Variants in JAKMIP2 observed in about 807,000 individuals in gnomAD.
The protein encoded by JAKMIP2 is janus kinase and microtubule-interacting protein 2.
JAKMIP2 carries 25 observed loss-of-function variants against 115.0 expected under a neutral mutation model. The observed-to-expected ratio is 0.22, with a 90% CI of 0.16 to 0.30. JAKMIP2 has a LOEUF of 0.30. Among genes scored for constraint, JAKMIP2 ranks in the 10% least tolerant of loss-of-function variants. JAKMIP2 has a pLI of 1.00. For synonymous variants in JAKMIP2, 334 were observed against 343.6 expected, an observed-to-expected ratio of 0.97 and a Z score of 0.31; for missense variants, 642 against 957.6, an observed-to-expected ratio of 0.67 and a Z score of 4.35.
chr5:147,723,229 G>A (rs536421095), intron 1 of JAKMIP2, among the ~76,000 whole-genome samples: 5 of 152,118 alleles, frequency 3.3e-5, no homozygotes, highest in East Asian at 1.9e-4. Context: ...CTAGATATAC[G>A]TATATTTTTG....
chr5:147,639,655 T>G lies in JAKMIP2; in HGVS notation c.1507A>C (p.Ile503Leu), dbSNP rs1372464189. The change falls in exon 10 of 22, where the codon ATC becomes CTC. Residue 503 changes from isoleucine to leucine, a missense_variant. This residue lies in a region of JAKMIP2 where 103 missense variants were observed against 177.6 expected (regional missense o/e 0.58). Coordinates refer to ENST00000616793, the MANE Select transcript of JAKMIP2 (RefSeq NM_001270941.2). ...ALLQEQTGGI[I>L]DAEREAKAQE... ...ACCTTGGCTTCTCGTTCAGCGTCGATGATGCCTCCCGTCTGCTCCTGTAGG... is the reference window on the plus strand; with the variant it reads ...ACCTTGGCTTCTCGTTCAGCGTCGAGGATGCCTCCCGTCTGCTCCTGTAGG... 2 of 1,613,558 alleles carry G rather than the reference T, an allele frequency of 1.2e-6. No individual in the cohort carries two copies.
At chr5:147,782,332 T>G in intron 1 of JAKMIP2, 124 bp downstream of exon 1, 1 of 953,164 alleles carries the variant, frequency 1.0e-6, no homozygotes, top group South Asian at 1.4e-5. Context: ...CATCTCTGTC[T>G]CCACATCTCC....
At chr5:147,753,895 T>G (rs1437514907) in intron 1 of JAKMIP2, among the ~76,000 whole-genome samples, 1 of 152,006 alleles carries the variant, frequency 6.6e-6, no homozygotes, top group African/African-American at 2.4e-5. Context: ...TGGAACACTG[T>G]AGCCATTTTC....
intron 1 of JAKMIP2, among the ~76,000 whole-genome samples, chr5:147,728,653 A>C (rs1753610029): frequency 6.6e-6 from 1 of 152,248 alleles, no homozygotes; most frequent in African/African-American, 2.4e-5. Flanking sequence ...ATATTGTCAG[A>C]AAAACAAAAA....
intron 11 of JAKMIP2, 122 bp from the exon 12 acceptor site, chr5:147,636,406 G>A: frequency 1.4e-6 from 1 of 735,370 alleles, no homozygotes; most frequent in East Asian, 2.7e-5. Context: ...CCAAAGACTG[G>A]TAAGTAGCAC....
chr5:147,612,027 G>A (rs1756353988), intron 20 of JAKMIP2: 1 of 562,388 alleles, frequency 1.8e-6, no homozygotes, highest in Admixed American at 2.4e-5. Context: ...GAAACTTTTG[G>A]AAAGGAAATG....
At chr5:147,632,451 T>G (rs3763092) in intron 13 of JAKMIP2, among the ~76,000 whole-genome samples, 1 of 152,124 alleles carries the variant, frequency 6.6e-6, no homozygotes, top group African/African-American at 2.4e-5. Context: ...AAGCACAGTA[T>G]CTAAGTAGAC....
rs1268290545 is a variant in JAKMIP2, at chr5:147,589,055, G to T, written c.*2652C>A. ...TATTTTCTGACTCAAGTTGGCTAGTGTTGGGTCACCAACACTGTAGAGGCA... is the reference window on the plus strand; with the variant it reads ...TATTTTCTGACTCAAGTTGGCTAGTTTTGGGTCACCAACACTGTAGAGGCA... On this transcript the variant is annotated 3_prime_UTR_variant, in exon 22 of 22. Transcript: ENST00000616793. The T allele has an allele frequency of 6.6e-6, 1 of 152,006 alleles. No homozygotes were observed. The allele number at this position is 152,006 out of a possible 1,614,324, so 9.4% of individuals were successfully genotyped here.
In JAKMIP2 at chr5:147,629,718, T is replaced by A; in HGVS notation, c.1904A>T (p.Gln635Leu). 1 of 1,612,902 alleles carries A rather than the reference T, an allele frequency of 6.2e-7. No homozygotes were observed. The highest frequency in any genetic ancestry group is 8.5e-7 in the Non-Finnish European group (1 of 1,179,438). The change falls in exon 15 of 22, where the codon CAG becomes CTG. Residue 635 changes from glutamine (Q) to leucine (L), a missense_variant. Coordinates refer to ENST00000616793, the MANE Select transcript of JAKMIP2 (RefSeq NM_001270941.2). ...CCCATTATCACCCAAGATATCAAGC[T>A]GCTTTATGAGATCAGGGATGTTCAC... The part of the protein sequence containing the change: ...KDVNIPDLIK[Q>L]LDILGDNGNL...
chr5:147,775,014 G>T (rs1755504626), intron 1 of JAKMIP2, among the ~76,000 whole-genome samples: 1 of 152,092 alleles, frequency 6.6e-6, no homozygotes, highest in African/African-American at 2.4e-5. Context: ...AACTGAAACT[G>T]GACTCCAGAA....
intron 1 of JAKMIP2, among the ~76,000 whole-genome samples, chr5:147,724,640 T>C (rs899752268): frequency 2.0e-5 from 3 of 152,014 alleles, no homozygotes; most frequent in Non-Finnish European, 4.4e-5. Flanking sequence ...GAGGCTCAGC[T>C]CAAACTCAAA....
intron 1 of JAKMIP2, among the ~76,000 whole-genome samples, chr5:147,674,339 C>G (rs1255940091): frequency 6.6e-6 from 1 of 152,132 alleles, no homozygotes; most frequent in Non-Finnish European, 1.5e-5. Flanking sequence ...TGCTGGAACA[C>G]AGAGTAAAAA....
chr5:147,653,474 T>A (rs13172946), intron 3 of JAKMIP2, among the ~76,000 whole-genome samples: 11,650 of 151,890 alleles, frequency 0.077, 559 homozygotes, highest in Middle Eastern at 0.17. Flanking sequence ...ATGATGAGCT[T>A]TTTTTTTTCA....
At chr5:147,628,169 A>T (rs1465246903) in intron 16 of JAKMIP2, among the ~76,000 whole-genome samples, 1 of 152,206 alleles carries the variant, frequency 6.6e-6, no homozygotes, top group Non-Finnish European at 1.5e-5. Flanking sequence ...CTATAGGTAC[A>T]TACCATCCAG....
chr5:147,598,837 T>C (rs891683899), intron 21 of JAKMIP2, among the ~76,000 whole-genome samples: 23 of 152,332 alleles, frequency 1.5e-4, no homozygotes, highest in Admixed American at 4.6e-4. Context: ...TAATTTAGTA[T>C]GGAAAAAAAT....
chr5:147,734,241 A>T (rs921904829), intron 1 of JAKMIP2, among the ~76,000 whole-genome samples: 1 of 152,194 alleles, frequency 6.6e-6, no homozygotes, highest in Non-Finnish European at 1.5e-5. Flanking sequence ...TGATCATTAA[A>T]AAGTCAGGAA....
intron 3 of JAKMIP2, among the ~76,000 whole-genome samples, chr5:147,651,491 T>C (rs993512525): frequency 6.6e-6 from 1 of 152,186 alleles, no homozygotes; most frequent in Non-Finnish European, 1.5e-5. Flanking sequence ...ATTCTATGTG[T>C]ACATTCAAAA....
chr5:147,749,186 C>CTGGT (rs1754460370), intron 1 of JAKMIP2, among the ~76,000 whole-genome samples: 2 of 151,846 alleles, frequency 1.3e-5, no homozygotes, highest in African/African-American at 4.8e-5. Flanking sequence ...TATAGACAAA[C>CTGGT]TGGTTGTCTT....
At chr5:147,747,500 T>C (rs572100877) in intron 1 of JAKMIP2, among the ~76,000 whole-genome samples, 1 of 152,140 alleles carries the variant, frequency 6.6e-6, no homozygotes, top group African/African-American at 2.4e-5. Context: ...CTGACTCTGA[T>C]CTGATGCAGT....
Sources: gnomAD v4.1 joint callset for allele counts (sites outside exome capture counted in the v4.1 genomes callset) on GRCh38, gnomAD v4.1.1 for gene constraint, gnomAD v4.1.1 regional missense constraint, MANE v1.5 for transcripts, NCBI Gene and HGNC (gene_info 2026-07-23, HGNC 2026-07-21) for gene names.